The following DVL2 variants were observed in gnomAD, a reference collection of about 807,000 sequenced individuals.
DVL2 encodes the protein segment polarity protein dishevelled homolog DVL-2.
DVL2 carries 38 observed loss-of-function variants against 69.8 expected under a neutral mutation model. The ratio of observed to expected loss-of-function variants is 0.54; its 90% confidence interval spans 0.42 to 0.71. DVL2 has a LOEUF of 0.71. Among genes scored for constraint, DVL2 ranks in the 30% least tolerant of loss-of-function variants. The pLI is 0.00. For synonymous variants in DVL2, 428 were observed against 392.4 expected, an observed-to-expected ratio of 1.09 and a Z score of -1.07; for missense variants, 931 against 1,008.1, an observed-to-expected ratio of 0.92 and a Z score of 1.04.
At position 7,227,156 on chromosome 17, in the gene DVL2, T is replaced by G; in HGVS notation, c.1477A>C (p.Asn493His). Reference sequence around the variant, plus strand: ...CACTGCTCAGAGAAGGTGATCTTGTTGACGGTGTGTCGGATCAGGCCTGCT... The same window carrying G: ...CACTGCTCAGAGAAGGTGATCTTGTGGACGGTGTGTCGGATCAGGCCTGCT... ...LKAGLIRHTV[N>H]KITFSEQCYY... is the part of the protein sequence containing the mutation. Residue 493 changes from asparagine to histidine, a missense_variant, in exon 13 of 15, where the codon AAC becomes CAC. Physicochemically the swap from Asn to His is moderately conservative, Grantham distance 68 (BLOSUM62 1). Coordinates refer to ENST00000005340, the MANE Select transcript of DVL2 (RefSeq NM_004422.3). The G allele has an allele frequency of 1.2e-6, 2 of 1,614,194 alleles. No homozygotes were observed. The highest frequency in any genetic ancestry group is 1.3e-5 in the African/African-American group (1 of 75,072).
Position 7,234,384 on chromosome 17 carries a change from G to A in DVL2, c.-122C>T, listed in dbSNP as rs754855620. 3.7e-5 allele frequency: 42 copies of A among 1,141,652 alleles called. No individual in the cohort carries two copies. Among genetic ancestry groups the A allele is most frequent in the African/African-American group, 6.4e-5 (4 of 62,760 alleles). 70.7% of individuals were successfully genotyped at this position (1,141,652 alleles called of 1,614,324 possible). On this transcript the variant is annotated 5_prime_UTR_variant, in exon 1 of 15. Coordinates refer to ENST00000005340, the MANE Select transcript of DVL2 (RefSeq NM_004422.3). ...GACAGGACTGACCCAGTACGGGAGAGAAGCAAAGGGGAAAAAGCACGGATC... is the reference window on the plus strand; with the variant it reads ...GACAGGACTGACCCAGTACGGGAGAAAAGCAAAGGGGAAAAAGCACGGATC...
Position 7,229,037 on chromosome 17 carries a change from G to C in DVL2, c.966C>G (p.Asp322Glu). 1 of 1,614,184 alleles carries C rather than the reference G, an allele frequency of 6.2e-7. No homozygotes were observed. Among genetic ancestry groups the C allele is most frequent in the Non-Finnish European group, 8.5e-7 (1 of 1,180,034 alleles). The change falls in exon 9 of 15, where the codon GAC becomes GAG. Residue 322 changes from aspartate to glutamate, a missense_variant. Physicochemically the swap from Asp to Glu is conservative, Grantham distance 45. Around this residue, in one of 3 missense-constraint regions of DVL2, gnomAD observed 555 missense variants for 588.8 expected, o/e 0.94. Transcript: ENST00000005340. The surrounding 1 kb of genome is among the most constrained non-coding windows in gnomAD (Gnocchi z 4.4). ...EPGDMLLQVN[D>E]MNFENMSNDD... Reference sequence around the variant, plus strand: ...CGTTGCTCATGTTCTCAAAGTTCATGTCATTCACCTGGAAGCGACGGCAAG... The same window carrying C: ...CGTTGCTCATGTTCTCAAAGTTCATCTCATTCACCTGGAAGCGACGGCAAG...
chr17:7,228,811 A>C (rs1597548173), intron 9 of DVL2, 158 bp downstream of exon 9: 3 of 663,532 alleles, frequency 4.5e-6, no homozygotes, highest in African/African-American at 1.8e-5. Context: ...CGAACTCCTC[A>C]CCTCAGGTGA....
rs927176606 is a variant in DVL2, at chr17:7,227,006, C to T, written c.1543+84G>A. The T allele has an allele frequency of 1.4e-5, 19 of 1,385,210 alleles. No homozygotes were observed. In the Admixed American group the frequency reaches 2.0e-4, roughly 15 times the overall value. The allele number at this position is 1,385,210 out of a possible 1,614,324, so 85.8% of individuals were successfully genotyped here. On this transcript the variant is annotated intron_variant, in intron 13 of 14. Coordinates refer to ENST00000005340, the MANE Select transcript of DVL2 (RefSeq NM_004422.3). ...CGACCATCCATGGTGGCCCTGGCTGCGGTTTCTGGGCTAGGTCTAGGGTTG... is the reference window on the plus strand; with the variant it reads ...CGACCATCCATGGTGGCCCTGGCTGTGGTTTCTGGGCTAGGTCTAGGGTTG...
At position 7,229,357 on chromosome 17, in the gene DVL2, A is replaced by C; in HGVS notation, c.817+21T>G. 1 of 1,613,838 alleles carries C rather than the reference A, an allele frequency of 6.2e-7. No individual in the cohort carries two copies. Among genetic ancestry groups the C allele is most frequent in the Non-Finnish European group, 8.5e-7 (1 of 1,179,956 alleles). ...AGAGACCAGGCCCTCCCCACGCCCT[A>C]GCCACAGGCTCTCCCCATACCCATG... is the stretch of plus-strand genomic sequence containing the variant. On this transcript the variant is annotated intron_variant, in intron 7 of 14. Coordinates refer to ENST00000005340, the MANE Select transcript of DVL2 (RefSeq NM_004422.3). This position sits in a 1 kb window ranked among gnomAD's most constrained non-coding sequence, Gnocchi z 4.4.
In DVL2 at chr17:7,225,481, C is replaced by CTG. The variant is rs1287447985; in HGVS notation, c.*383_*384insCA. 2.4e-6 allele frequency: 1 copy of CTG among 425,238 alleles called. No individual in the cohort carries two copies. The highest frequency in any genetic ancestry group is 5.1e-5 in the East Asian group (1 of 19,690). 26.3% of individuals were successfully genotyped at this position (425,238 alleles called of 1,614,324 possible). A position where few individuals can be genotyped will look rare whatever the true frequency, so the allele number is the denominator to read the frequency against. ...TGCCTAACCCCGGGGTACCGCTGAC[C>CTG]ACCCCCAACCCTGCAAAGGGCAGGG... is the stretch of plus-strand genomic sequence containing the variant. On this transcript the variant is annotated 3_prime_UTR_variant, in exon 15 of 15. Coordinates refer to ENST00000005340, the MANE Select transcript of DVL2 (RefSeq NM_004422.3).
Position 7,227,268 on chromosome 17 carries a change from G to A in DVL2, c.1365C>T (p.Gly455=), listed in dbSNP as rs1336682493. Residue 455 remains glycine (G), a splice_region_variant and synonymous_variant, in exon 13 of 15, where the codon GGC becomes GGT. Coordinates refer to ENST00000005340, the MANE Select transcript of DVL2 (RefSeq NM_004422.3). ...LKITIPNAFL[G]SDVVDWLYHH... ...GGTAGAGCCAGTCAACCACATCCGA[G>A]CCTGGGAGCACCCACAGTGGAAAAA... is the stretch of plus-strand genomic sequence containing the variant. 1.2e-6 allele frequency: 2 copies of A among 1,607,342 alleles called. No individual in the cohort carries two copies. Among genetic ancestry groups the A allele is most frequent in the Admixed American group, 1.7e-5 (1 of 59,688 alleles).
chr17:7,226,193 C>A lies in DVL2; in HGVS notation c.1883G>T (p.Gly628Val), dbSNP rs1388060747. ...SGSESEPSSR[G>V]GSLRRGGEAS... is the part of the protein sequence containing the mutation. ...TTCCCCACCCCGCCGAAGGCTGCCC[C>A]CTCGGCTGGAGGGCTCAGACTCACT... Residue 628 changes from glycine to valine, a missense_variant, in exon 15 of 15, where the codon GGG becomes GTG. Around this residue, in one of 3 missense-constraint regions of DVL2, gnomAD observed 314 missense variants for 313.7 expected, o/e 1.00. Coordinates refer to ENST00000005340, the MANE Select transcript of DVL2 (RefSeq NM_004422.3). The A allele has an allele frequency of 6.2e-7, 1 of 1,612,316 alleles. No homozygotes were observed. The highest frequency in any genetic ancestry group is 1.3e-5 in the African/African-American group (1 of 74,904).
At chr17:7,232,827 C>T (rs914234824) in intron 1 of DVL2, among the ~76,000 whole-genome samples, 1 of 152,110 alleles carries the variant, frequency 6.6e-6, no homozygotes, top group African/African-American at 2.4e-5. Context: ...CGGTGGCTCA[C>T]GCCTGTAATC....
Position 7,230,072 on chromosome 17 carries a change from C to T in DVL2, c.494G>A (p.Arg165His), listed in dbSNP as rs144205338. The change falls in exon 4 of 15, where the codon CGC becomes CAC. Residue 165 changes from arginine to histidine, a missense_variant. Around this residue, in one of 3 missense-constraint regions of DVL2, gnomAD observed 555 missense variants for 588.8 expected, o/e 0.94. Coordinates refer to ENST00000005340, the MANE Select transcript of DVL2 (RefSeq NM_004422.3). ...SVVSLRRERP[R>H]RRDSSEHGAG... Reference sequence around the variant, plus strand: ...GCCATGCTCACTGCTGTCTCTCCTGCGAGGCCGCTCCCGCCTCAGTGACAC... The same window carrying T: ...GCCATGCTCACTGCTGTCTCTCCTGTGAGGCCGCTCCCGCCTCAGTGACAC... The T allele has an allele frequency of 4.3e-6, 7 of 1,614,106 alleles. No individual in the cohort carries two copies. In the East Asian group the frequency reaches 8.9e-5, roughly 21 times the overall value.
intron 13 of DVL2, 140 bp from the exon 14 acceptor site, chr17:7,226,779 G>A (rs1321966126): frequency 7.1e-6 from 5 of 705,814 alleles, no homozygotes; most frequent in Non-Finnish European, 1.1e-5. Flanking sequence ...AAGGGTCTCT[G>A]ACAAGAAACT....
chr17:7,225,829 C>T lies in DVL2; in HGVS notation c.*36G>A, dbSNP rs1368506082. The stretch of plus-strand genomic sequence containing the variant: ...GACGGCCAGGACACCCAGTCACACA[C>T]CAGGAGCGCCCGGCCCAGCCTGGCC... On this transcript the variant is annotated 3_prime_UTR_variant, in exon 15 of 15. Coordinates refer to ENST00000005340, the MANE Select transcript of DVL2 (RefSeq NM_004422.3). 5.0e-6 allele frequency: 8 copies of T among 1,587,592 alleles called. No homozygotes were observed. The highest frequency in any genetic ancestry group is 6.9e-6 in the Non-Finnish European group (8 of 1,157,694).
At chr17:7,227,605 C>T (rs775798818) in intron 11 of DVL2, 50 bp downstream of exon 11, 43 of 1,613,878 alleles carry the variant, frequency 2.7e-5, no homozygotes, top group Non-Finnish European at 3.4e-5. Context: ...CAGACCACTG[C>T]GGGACAGCCT....
intron 2 of DVL2, 117 bp from the exon 3 acceptor site, chr17:7,230,547 G>T: frequency 7.0e-7 from 1 of 1,430,816 alleles, no homozygotes; most frequent in Non-Finnish European, 9.6e-7. Context: ...AAAAAACCTA[G>T]CAAGTATTAG....
chr17:7,226,628 G>A lies in DVL2; in HGVS notation c.1555C>T (p.Leu519=). 4 of 1,563,566 alleles carry A rather than the reference G, an allele frequency of 2.6e-6. No individual in the cohort carries two copies. Among genetic ancestry groups the A allele is most frequent in the Non-Finnish European group, 2.6e-6 (3 of 1,157,588 alleles). Residue 519 remains leucine (L), a synonymous_variant, in exon 14 of 15, where the codon CTG becomes TTG. Transcript: ENST00000005340. ...SGGCESYLVN[L]SLNDNDGSSG... is the part of the protein sequence containing the mutation. ...GAGCCATCGTTGTCATTGAGAGACA[G>A]GTTGACTAGGTCTGGAAAGCAAGGG...
intron 1 of DVL2, among the ~76,000 whole-genome samples, chr17:7,231,503 T>C (rs1413025668): frequency 2.0e-5 from 3 of 148,664 alleles, no homozygotes; most frequent in Non-Finnish European, 4.5e-5. Flanking sequence ...TCAAAGCCTC[T>C]ACTCTTATAC....
At chr17:7,233,612 T>C (rs538328067) in intron 1 of DVL2, among the ~76,000 whole-genome samples, 1 of 152,138 alleles carries the variant, frequency 6.6e-6, no homozygotes, top group East Asian at 1.9e-4. Context: ...GCCCGGCTAA[T>C]TTTTTGTATT....
chr17:7,228,924 A>T, intron 9 of DVL2, 45 bp downstream of exon 9: 1 of 1,552,510 alleles, frequency 6.4e-7, no homozygotes, highest in Non-Finnish European at 8.9e-7. Flanking sequence ...CATGAAAGAG[A>T]AAAAAAAAGA....
At position 7,229,681 on chromosome 17, in the gene DVL2, A is replaced by G. The variant is rs1470026008; in HGVS notation, c.657-3T>C. The G allele has an allele frequency of 6.4e-7, 1 of 1,553,228 alleles. No individual in the cohort carries two copies. On this transcript the variant is annotated splice_region_variant and splice_polypyrimidine_tract_variant and intron_variant, in intron 5 of 14. Coordinates refer to ENST00000005340, the MANE Select transcript of DVL2 (RefSeq NM_004422.3). This position sits in a 1 kb window ranked among gnomAD's most constrained non-coding sequence, Gnocchi z 4.4. ...TCTGCTCCGTGGAGCTGCTGAACCT[A>G]CCAGGAGGTTGGGAAGGAGAGCAAA...
Sources: allele counts gnomAD v4.1 joint callset (sites outside exome capture counted in the v4.1 genomes callset), GRCh38; gene constraint gnomAD v4.1.1; regional missense constraint gnomAD v4.1.1; non-coding constraint Gnocchi (gnomAD v3.1); transcripts MANE v1.5; gene names NCBI Gene and HGNC (gene_info 2026-07-23, HGNC 2026-07-21).